SNRK: variants seen among roughly 807,000 people sequenced by gnomAD.
SNRK encodes SNF related kinase, also known as SNF-related serine/threonine-protein kinase.
Under a neutral mutation model 48.2 loss-of-function variants are expected in SNRK, and 3 were observed. The observed-to-expected ratio is 0.06, with a 90% confidence interval of 0.03 to 0.16. The LOEUF (loss-of-function observed/expected upper bound fraction) is 0.16. Among genes scored for constraint, SNRK ranks in the 10% least tolerant of loss-of-function variants. SNRK has a pLI of 1.00. For synonymous variants in SNRK, 376 were observed against 366.1 expected, an observed-to-expected ratio of 1.03 and a Z score of -0.31; for missense variants, 627 against 976.0, an observed-to-expected ratio of 0.64 and a Z score of 4.76.
chr3:43,316,667 C>T (rs1045601996), intron 3 of SNRK, among the ~76,000 whole-genome samples: 1 of 151,642 alleles, frequency 6.6e-6, no homozygotes, highest in Non-Finnish European at 1.5e-5. Flanking sequence ...CCACTCTCTG[C>T]TCATTTAGGG....
intron 4 of SNRK, among the ~76,000 whole-genome samples, chr3:43,339,533 A>G (rs1215545638): frequency 6.6e-6 from 1 of 151,902 alleles, no homozygotes. Flanking sequence ...AATACATTAC[A>G]TGGGCCGGGC....
intron 3 of SNRK, among the ~76,000 whole-genome samples, chr3:43,312,488 A>G (rs1199875322): frequency 6.6e-6 from 1 of 152,190 alleles, no homozygotes; most frequent in Non-Finnish European, 1.5e-5. Flanking sequence ...AGAGAGGAAC[A>G]TCAACTTTAT....
At chr3:43,307,794 T>G (rs2090950164) in intron 3 of SNRK, among the ~76,000 whole-genome samples, 1 of 152,188 alleles carries the variant, frequency 6.6e-6, no homozygotes, top group Non-Finnish European at 1.5e-5. Context: ...AGTGTTCAAG[T>G]GAAAGGAAGA....
At position 43,304,820 on chromosome 3, in the gene SNRK, G is replaced by C. The variant is rs370017396; in HGVS notation, c.589+1028G>C. 6.2e-4 allele frequency among the ~76,000 whole-genome samples: 94 copies of C among 152,174 alleles called. 1 individual carries two copies. The South Asian group carries it at 0.018, about 30-fold the overall frequency. On this transcript the variant is annotated intron_variant, in intron 3 of 6. Coordinates refer to ENST00000296088, the MANE Select transcript of SNRK (RefSeq NM_017719.5). ...TGAATACTCTGTACACCAAGACACTGATTTTCATGTTATGACTATCATGTT... is the reference window on the plus strand; with the variant it reads ...TGAATACTCTGTACACCAAGACACTCATTTTCATGTTATGACTATCATGTT...
intron 1 of SNRK, among the ~76,000 whole-genome samples, chr3:43,292,152 G>T (rs1347739931): frequency 6.6e-6 from 1 of 152,128 alleles, no homozygotes; most frequent in Admixed American, 6.5e-5. Flanking sequence ...CCATGGTTTT[G>T]CTTTACTCGT....
intron 1 of SNRK, among the ~76,000 whole-genome samples, chr3:43,290,673 C>G (rs559442713): frequency 3.3e-5 from 5 of 152,240 alleles, no homozygotes; most frequent in Non-Finnish European, 5.9e-5. Context: ...TCAGTCTGAT[C>G]TTCACTTTGC....
rs746053789 is a variant in SNRK, at chr3:43,303,028, A to C, written c.-106-70A>C. ...TCTCTTAAAATGAAAAAAACAAAAA[A>C]TGAAGTGATTTTAAAGTTTGTGAAG... On this transcript the variant is annotated intron_variant, in intron 2 of 6. Transcript: ENST00000296088. This position sits in a 1 kb window ranked among gnomAD's most constrained non-coding sequence, Gnocchi z 6.2. 4.2e-6 allele frequency: 2 copies of C among 474,042 alleles called. No homozygotes were observed. Among genetic ancestry groups the C allele is most frequent in the South Asian group, 5.4e-5 (1 of 18,438 alleles). 29.4% of individuals were successfully genotyped at this position (474,042 alleles called of 1,614,324 possible).
Position 43,311,102 on chromosome 3 carries a change from T to C in SNRK, c.589+7310T>C, listed in dbSNP as rs144022700. ...CTTACTATTTGTTAGGTTGTTAATA[T>C]ACCTCTTGGACACCATCCCTCTCTC... On this transcript the variant is annotated intron_variant, in intron 3 of 6. Transcript: ENST00000296088. Among the ~76,000 whole-genome samples the C allele has an allele frequency of 4.6e-5, 7 of 152,322 alleles. No individual in the cohort carries two copies. The East Asian group carries it at 1.2e-3, about 25-fold the overall frequency.
chr3:43,335,515 C>G (rs2091179728), intron 4 of SNRK, among the ~76,000 whole-genome samples: 1 of 151,892 alleles, frequency 6.6e-6, no homozygotes, highest in Non-Finnish European at 1.5e-5. Context: ...AGCATAAGGT[C>G]TTTTTGTTCT....
chr3:43,339,473 A>G (rs1327295005), intron 4 of SNRK, among the ~76,000 whole-genome samples: 1 of 152,106 alleles, frequency 6.6e-6, no homozygotes, highest in African/African-American at 2.4e-5. Flanking sequence ...GCTGAGTGTT[A>G]CTTATTTATT....
chr3:43,320,485 C>G (rs759614642), intron 3 of SNRK, among the ~76,000 whole-genome samples: 7 of 152,120 alleles, frequency 4.6e-5, no homozygotes, highest in Non-Finnish European at 8.8e-5. Flanking sequence ...TCACCACGTT[C>G]CAGGTTGTGA....
intron 4 of SNRK, among the ~76,000 whole-genome samples, chr3:43,338,979 C>T (rs954044788): frequency 1.4e-4 from 22 of 152,088 alleles, no homozygotes; most frequent in African/African-American, 5.3e-4. Flanking sequence ...TATTCGCATT[C>T]TGATTTTGCT....
At chr3:43,288,770 G>T (rs1442668832) in intron 1 of SNRK, among the ~76,000 whole-genome samples, 1 of 152,182 alleles carries the variant, frequency 6.6e-6, no homozygotes, top group Admixed American at 6.5e-5. Flanking sequence ...AACCGTAGAT[G>T]AGAAACTCTA....
chr3:43,310,772 A>G (rs916041871), intron 3 of SNRK, among the ~76,000 whole-genome samples: 1 of 152,150 alleles, frequency 6.6e-6, no homozygotes, highest in Non-Finnish European at 1.5e-5. Context: ...ATGCAAGACT[A>G]ATTTTCTTTG....
At chr3:43,339,346 A>C (rs181502547) in intron 4 of SNRK, among the ~76,000 whole-genome samples, 18 of 152,288 alleles carry the variant, frequency 1.2e-4, no homozygotes, top group African/African-American at 4.3e-4. Context: ...AGTAGGCCTT[A>C]CACATTATAT....
intron 1 of SNRK, among the ~76,000 whole-genome samples, chr3:43,289,383 G>T (rs1268088269): frequency 6.6e-6 from 1 of 152,210 alleles, no homozygotes; most frequent in Non-Finnish European, 1.5e-5. Flanking sequence ...CAATGCAACT[G>T]TTCTTTCCTT....
chr3:43,333,923 A>T (rs752527634), intron 4 of SNRK, among the ~76,000 whole-genome samples: 13 of 152,110 alleles, frequency 8.5e-5, no homozygotes, highest in Non-Finnish European at 1.6e-4. Context: ...CGAGACAGGC[A>T]GATCACAAGA....
At chr3:43,318,603 A>G (rs2091030096) in intron 3 of SNRK, among the ~76,000 whole-genome samples, 1 of 151,820 alleles carries the variant, frequency 6.6e-6, no homozygotes, top group Admixed American at 6.6e-5. Context: ...AAGAAGAAAG[A>G]TAAGTTTGCA....
At chr3:43,333,946 G>C (rs1054963025) in intron 4 of SNRK, among the ~76,000 whole-genome samples, 4 of 152,054 alleles carry the variant, frequency 2.6e-5, no homozygotes, top group Non-Finnish European at 5.9e-5. Flanking sequence ...AGGAGTTCGA[G>C]ACCAGCCTGA....
Sources: gnomAD v4.1 joint callset for allele counts (sites outside exome capture counted in the v4.1 genomes callset) on GRCh38, gnomAD v4.1.1 for gene constraint, Gnocchi (gnomAD v3.1) non-coding constraint, MANE v1.5 for transcripts, NCBI Gene and HGNC (gene_info 2026-07-23, HGNC 2026-07-21) for gene names.